Variants in SPHKAP observed in about 807,000 individuals in gnomAD.
The protein encoded by SPHKAP is SPHK1 interactor, AKAP domain containing.
Under a neutral mutation model 137.5 loss-of-function variants are expected in SPHKAP, and 67 were observed. The observed-to-expected ratio is 0.49, with a 90% CI of 0.40 to 0.60. SPHKAP has a LOEUF of 0.60. Among genes scored for constraint, SPHKAP ranks in the 20% least tolerant of loss-of-function variants. SPHKAP has a pLI of 0.00. For synonymous variants in SPHKAP, 813 were observed against 785.3 expected (o/e 1.04, Z -0.59); for missense variants, 2,097 against 2,069.3 (o/e 1.01, Z -0.26).
chr2:228,147,380 A>G (rs2106394319), intron 1 of SPHKAP, among the ~76,000 whole-genome samples: 2 of 152,358 alleles, frequency 1.3e-5, no homozygotes, highest in South Asian at 2.1e-4. Flanking sequence ...TTAAAAATCA[A>G]TACAAGATGC....
At chr2:227,991,723 A>G (rs1173233254) in intron 9 of SPHKAP, 3 of 967,052 alleles carry the variant, frequency 3.1e-6, no homozygotes, top group Non-Finnish European at 3.7e-6. Context: ...CATCTTAATG[A>G]ATCATATGTT....
At position 228,019,646 on chromosome 2, in the gene SPHKAP, G is replaced by T. The variant is rs200169181; in HGVS notation, c.1208C>A (p.Ala403Glu). The change falls in exon 7 of 12, where the codon GCA becomes GAA. Residue 403 changes from alanine (A) to glutamate (E), a missense_variant. Coordinates refer to ENST00000392056, the MANE Select transcript of SPHKAP (RefSeq NM_001142644.2). ...TNLAESVLQD[A>E]FIRLSQSQST... ...CTGAGATTGAGATAATCTAATAAAT[G>T]CATCCTGCAGCACGGATTCTGCTAA... is the stretch of plus-strand genomic sequence containing the variant. The T allele has an allele frequency of 2.2e-5, 36 of 1,614,112 alleles. No homozygotes were observed. In the East Asian group the frequency reaches 7.4e-4, roughly 33 times the overall value.
At chr2:228,068,418 A>G (rs1696898932) in intron 3 of SPHKAP, among the ~76,000 whole-genome samples, 2 of 152,142 alleles carry the variant, frequency 1.3e-5, no homozygotes, top group African/African-American at 2.4e-5. Flanking sequence ...AACCAGAAGA[A>G]CAAAAGCCAT....
chr2:228,061,902 C>T (rs914703989), intron 3 of SPHKAP, among the ~76,000 whole-genome samples: 6 of 152,068 alleles, frequency 3.9e-5, no homozygotes, highest in African/African-American at 1.4e-4. Flanking sequence ...GCTTTATTAG[C>T]CTGTGAGATA....
chr2:228,016,258 C>T (rs1694584204), intron 7 of SPHKAP, 148 bp downstream of exon 7: 8 of 1,325,082 alleles, frequency 6.0e-6, no homozygotes, highest in East Asian at 2.4e-5. Flanking sequence ...GTGTGCTGCA[C>T]TCATTAACTC....
At chr2:228,025,289 T>C in intron 5 of SPHKAP, 105 bp downstream of exon 5, 1 of 1,199,564 alleles carries the variant, frequency 8.3e-7, no homozygotes, top group South Asian at 2.1e-5. Context: ...CTTTGATTCC[T>C]ATGTTACAGA....
chr2:228,007,156 TG>T (rs1462634562), intron 7 of SPHKAP, among the ~76,000 whole-genome samples: 1 of 152,232 alleles, frequency 6.6e-6, no homozygotes, highest in African/African-American at 2.4e-5. Flanking sequence ...ATCTTGGAAC[TG>T]CTTTTGATCA....
intron 2 of SPHKAP, among the ~76,000 whole-genome samples, chr2:228,120,862 C>A (rs914899120): frequency 9.2e-5 from 14 of 152,056 alleles, no homozygotes; most frequent in African/African-American, 3.4e-4. Context: ...TCAGGAAATG[C>A]AAATATAGTA....
chr2:228,024,342 GTTT>G lies in SPHKAP; in HGVS notation c.441+1049_441+1051del, dbSNP rs56031418. Among the ~76,000 whole-genome samples, 239 of 124,526 alleles carry G rather than the reference GTTT, an allele frequency of 1.9e-3. 2 individuals carry two copies. Among genetic ancestry groups the G allele is most frequent in the Non-Finnish European group, 2.4e-3 (147 of 60,162 alleles). 81.7% of individuals were successfully genotyped at this position (124,526 alleles called of 152,430 possible). On this transcript the variant is annotated intron_variant, in intron 5 of 11. Coordinates refer to ENST00000392056, the MANE Select transcript of SPHKAP (RefSeq NM_001142644.2). ...AAAAGTGTTCTATAATGCAGAGGCA[GTTT>G]TTTTTTTTTTTTTTTTAAATCTGTG...
intron 4 of SPHKAP, chr2:228,025,890 C>T (rs955346135): frequency 6.1e-6 from 6 of 984,660 alleles, no homozygotes; most frequent in Non-Finnish European, 7.2e-6. Flanking sequence ...AACTAATAAT[C>T]TTCCGATATG....
intron 11 of SPHKAP, among the ~76,000 whole-genome samples, chr2:227,990,174 G>A (rs1167765320): frequency 6.6e-6 from 1 of 152,180 alleles, no homozygotes; most frequent in Non-Finnish European, 1.5e-5. Context: ...TAAGTGCCCA[G>A]TCAGGCTAAT....
At chr2:228,080,580 A>C (rs528313833) in intron 3 of SPHKAP, among the ~76,000 whole-genome samples, 5 of 151,998 alleles carry the variant, frequency 3.3e-5, no homozygotes, top group Non-Finnish European at 7.4e-5. Flanking sequence ...GTTGGTGGGC[A>C]CTTGTAATCC....
intron 3 of SPHKAP, among the ~76,000 whole-genome samples, chr2:228,032,697 G>A (rs192605957): frequency 2.0e-3 from 308 of 152,188 alleles, no homozygotes; most frequent in South Asian, 8.1e-3. Flanking sequence ...AACTCTACAA[G>A]CCAGAAAAGA....
chr2:228,122,994 G>A (rs1269394112), intron 2 of SPHKAP, among the ~76,000 whole-genome samples: 2 of 152,216 alleles, frequency 1.3e-5, no homozygotes, highest in East Asian at 3.9e-4. Flanking sequence ...TACGGCCAAA[G>A]AGTCCTCCTG....
intron 3 of SPHKAP, among the ~76,000 whole-genome samples, chr2:228,044,375 A>G (rs2106262882): frequency 6.6e-6 from 1 of 152,308 alleles, no homozygotes; most frequent in East Asian, 1.9e-4. Flanking sequence ...TCCAGATTGA[A>G]TATCTATATT....
Position 227,999,775 on chromosome 2 carries a change from TCTG to T in SPHKAP, c.4449-4084_4449-4082del, listed in dbSNP as rs1041075447. 2.0e-5 allele frequency among the ~76,000 whole-genome samples: 3 copies of T among 152,314 alleles called. No homozygotes were observed. The East Asian group carries it at 5.8e-4, about 29-fold the overall frequency. ...TTTGAGAGAAATTGAAATTTACAGT[TCTG>T]CTCATTTATTTATGAATAATGCACA... On this transcript the variant is annotated intron_variant, in intron 7 of 11. Coordinates refer to ENST00000392056, the MANE Select transcript of SPHKAP (RefSeq NM_001142644.2).
chr2:228,077,311 A>G (rs1697217105), intron 3 of SPHKAP, among the ~76,000 whole-genome samples: 1 of 152,146 alleles, frequency 6.6e-6, no homozygotes, highest in African/African-American at 2.4e-5. Flanking sequence ...TCCAGACCCC[A>G]CTGTCCACGG....
At chr2:228,034,064 T>C (rs999290074) in intron 3 of SPHKAP, among the ~76,000 whole-genome samples, 33 of 151,860 alleles carry the variant, frequency 2.2e-4, no homozygotes, top group South Asian at 8.3e-4. Context: ...ACACAAAAAA[T>C]CCTTCAAAAA....
rs746053623 is a variant in SPHKAP at position 228,016,609 on chromosome 2, G to A, written c.4245C>T (p.Asn1415=). 2 of 1,613,810 alleles carry A rather than the reference G, an allele frequency of 1.2e-6. No homozygotes were observed. Among genetic ancestry groups the A allele is most frequent in the Non-Finnish European group, 1.7e-6 (2 of 1,179,980 alleles). The change falls in exon 7 of 12, where the codon AAC becomes AAT. Residue 1415 remains asparagine (N), a synonymous_variant. Transcript: ENST00000392056. Reference sequence around the variant, plus strand: ...TCGAGCAAAGTGATCGCCTTTTGTGGTTTATTGGTACAGGGTCCTGGCACG... The same window carrying A: ...TCGAGCAAAGTGATCGCCTTTTGTGATTTATTGGTACAGGGTCCTGGCACG... ...TSSCQDPVPI[N]HKRRSLCSRE... is the part of the protein sequence containing the mutation.
Sources: allele counts gnomAD v4.1 joint callset (sites outside exome capture counted in the v4.1 genomes callset), GRCh38; gene constraint gnomAD v4.1.1; transcripts MANE v1.5; gene names NCBI Gene and HGNC (gene_info 2026-07-23, HGNC 2026-07-21).